RNF217: variants seen among roughly 807,000 people sequenced by gnomAD.
RNF217 encodes the protein E3 ubiquitin-protein ligase RNF217.
Under a neutral mutation model 57.8 loss-of-function variants are expected in RNF217, and 31 were observed. The observed-to-expected ratio is 0.54, with a 90% CI of 0.40 to 0.72. RNF217 has a LOEUF of 0.72. RNF217 is among the 30% of genes least tolerant of loss of function. The pLI, the probability that RNF217 is intolerant of heterozygous loss-of-function variation, is 0.00. For missense variants in RNF217, 696 were observed against 708.3 expected (o/e 0.98, Z 0.20); for synonymous variants, 313 against 294.0 (o/e 1.06, Z -0.66).
chr6:124,967,295 A>G (rs768579715), intron 1 of RNF217, among the ~76,000 whole-genome samples: 2 of 152,198 alleles, frequency 1.3e-5, no homozygotes, highest in Non-Finnish European at 2.9e-5. Flanking sequence ...GGCCTTTACC[A>G]CATTTTCCTA....
rs374401996 is a variant in RNF217, at chr6:124,963,191, T to C, written c.647T>C (p.Leu216Pro). 303 of 1,535,692 alleles carry C rather than the reference T, an allele frequency of 2.0e-4. 4 individuals carry two copies. In the South Asian group the frequency reaches 3.4e-3, roughly 17 times the overall value. Reference sequence around the variant, plus strand: ...CGACTGTCCCTCCCAACGGATTCCCTCTCCCCCGACGGCGGCAGCATCGAG... The same window carrying C: ...CGACTGTCCCTCCCAACGGATTCCCCCTCCCCCGACGGCGGCAGCATCGAG... ...SPRLSLPTDS[L>P]SPDGGSIELE... Residue 216 changes from leucine to proline, a missense_variant, in exon 1 of 6, where the codon CTC (leucine) becomes CCC (proline). Leu to Pro is a moderately conservative substitution (Grantham distance 98). Around this residue, in one of 2 missense-constraint regions of RNF217, gnomAD observed 465 missense variants for 386.8 expected, o/e 1.20. Transcript: ENST00000521654.
chr6:125,087,196 A>G lies in RNF217; in HGVS notation c.*4259A>G, dbSNP rs1377831696. On this transcript the variant is annotated 3_prime_UTR_variant, in exon 6 of 6. Transcript: ENST00000521654. The stretch of plus-strand genomic sequence containing the variant: ...CTTGTTAAATGAAATTGTTTTTAAC[A>G]TTACACTTTTATACTGGCTGTTACA... The G allele has an allele frequency of 1.3e-5, 2 of 152,192 alleles. No homozygotes were observed. Among genetic ancestry groups the G allele is most frequent in the East Asian group, 3.8e-4 (2 of 5,196 alleles). 9.4% of individuals were successfully genotyped at this position (152,192 alleles called of 1,614,324 possible).
intron 1 of RNF217, among the ~76,000 whole-genome samples, chr6:124,999,763 C>T (rs1784900196): frequency 6.6e-6 from 1 of 151,958 alleles, no homozygotes; most frequent in Non-Finnish European, 1.5e-5. Context: ...ATCATGGACC[C>T]CTGGTGTTGA....
intron 1 of RNF217, among the ~76,000 whole-genome samples, chr6:124,974,358 T>C (rs1414023392): frequency 2.0e-5 from 3 of 152,252 alleles, no homozygotes; most frequent in Non-Finnish European, 4.4e-5. Flanking sequence ...TTCCAATTCA[T>C]ATCATTCTAT....
chr6:125,046,454 T>C lies in RNF217; in HGVS notation c.1116+1010T>C, dbSNP rs149543950. 289 of 386,828 alleles carry C rather than the reference T, an allele frequency of 7.5e-4. 2 individuals carry two copies. The highest frequency in any genetic ancestry group is 6.1e-3 in the Admixed American group (199 of 32,762). 24.0% of individuals were successfully genotyped at this position (386,828 alleles called of 1,614,324 possible). Reference sequence around the variant, plus strand: ...TATTAGAATCACCCGAGAACTTCCATGACACACCAGTGCCCCAGGCCCACC... The same window carrying C: ...TATTAGAATCACCCGAGAACTTCCACGACACACCAGTGCCCCAGGCCCACC... On this transcript the variant is annotated intron_variant, in intron 2 of 5. Transcript: ENST00000521654.
Position 125,019,836 on chromosome 6 carries a change from G to GA in RNF217, c.883-25375_883-25374insA, listed in dbSNP as rs527872642. ...CTTGATGTCCCCTTTTTTGCAGTGG[G>GA]GGGGGAGTGAAAAAATCCTTTATTA... On this transcript the variant is annotated intron_variant, in intron 1 of 5. Transcript: ENST00000521654. 7.0e-3 allele frequency among the ~76,000 whole-genome samples: 1,051 copies of GA among 150,734 alleles called. 30 individuals carry two copies. Among genetic ancestry groups the GA allele is most frequent in the African/African-American group, 0.024 (1,004 of 41,244 alleles).
intron 5 of RNF217, chr6:125,082,626 T>C: frequency 6.4e-7 from 1 of 1,574,422 alleles, no homozygotes; most frequent in South Asian, 1.2e-5. Flanking sequence ...AACCAAAGTT[T>C]TGATATTTGG....
intron 3 of RNF217, among the ~76,000 whole-genome samples, chr6:125,065,092 G>A (rs911752194): frequency 1.3e-4 from 20 of 151,622 alleles, no homozygotes; most frequent in Non-Finnish European, 2.9e-4. Flanking sequence ...TGGCTAACAC[G>A]GTGAAACTCC....
chr6:125,026,048 G>A (rs527520813), intron 1 of RNF217, among the ~76,000 whole-genome samples: 1 of 152,264 alleles, frequency 6.6e-6, no homozygotes, highest in African/African-American at 2.4e-5. Flanking sequence ...ATATGATCGT[G>A]GAGACCATCT....
At chr6:125,022,883 C>T (rs1045270315) in intron 1 of RNF217, among the ~76,000 whole-genome samples, 1 of 151,968 alleles carries the variant, frequency 6.6e-6, no homozygotes, top group African/African-American at 2.4e-5. Context: ...CTAGAGATCA[C>T]TATTTAGAAA....
intron 3 of RNF217, among the ~76,000 whole-genome samples, chr6:125,071,861 TC>T (rs1226505412): frequency 9.9e-5 from 15 of 152,186 alleles, no homozygotes. Context: ...ATCTAGTCTT[TC>T]TCCATCTTTT....
chr6:125,034,156 T>A (rs1683645445), intron 1 of RNF217, among the ~76,000 whole-genome samples: 2 of 152,200 alleles, frequency 1.3e-5, no homozygotes, highest in African/African-American at 4.8e-5. Flanking sequence ...GCCTATTCAT[T>A]CTGATGGTAG....
At chr6:124,985,668 A>G (rs17052573) in intron 1 of RNF217, among the ~76,000 whole-genome samples, 43,767 of 152,104 alleles carry the variant, frequency 0.29, 7,663 homozygotes, top group South Asian at 0.47. Context: ...TTAAGGACAC[A>G]TAAAGCCACA....
chr6:124,980,865 A>C (rs1019636999), intron 1 of RNF217, among the ~76,000 whole-genome samples: 5 of 152,136 alleles, frequency 3.3e-5, no homozygotes, highest in African/African-American at 9.7e-5. Context: ...TTTCAGTGGG[A>C]GGTAGTAAAA....
Position 125,041,521 on chromosome 6 carries a change from C to G in RNF217, c.883-3690C>G, listed in dbSNP as rs150996125. ...CCAACTTCATCTCATACTGTTCTCT[C>G]CCTCCTTTAGTATATATTTTTGTCA... is the stretch of plus-strand genomic sequence containing the variant. On this transcript the variant is annotated intron_variant, in intron 1 of 5. Coordinates refer to ENST00000521654, the MANE Select transcript of RNF217 (RefSeq NM_001286398.3). 5.3e-4 allele frequency among the ~76,000 whole-genome samples: 81 copies of G among 152,176 alleles called. No homozygotes were observed. In the East Asian group the frequency reaches 0.014, roughly 26 times the overall value.
intron 1 of RNF217, among the ~76,000 whole-genome samples, chr6:125,001,308 CCAG>C (rs1383442419): frequency 8.6e-5 from 13 of 151,852 alleles, no homozygotes; most frequent in African/African-American, 3.1e-4. Flanking sequence ...TCTCCCTTGC[CCAG>C]CCCCCATTCT....
At chr6:125,064,298 T>C (rs191807416) in intron 3 of RNF217, among the ~76,000 whole-genome samples, 19 of 152,286 alleles carry the variant, frequency 1.2e-4, no homozygotes, top group African/African-American at 7.2e-5. Flanking sequence ...GGGGTTATCA[T>C]TGGCACTGTT....
chr6:125,061,722 T>C (rs1787740145), intron 3 of RNF217, among the ~76,000 whole-genome samples: 2 of 152,040 alleles, frequency 1.3e-5, no homozygotes, highest in African/African-American at 4.8e-5. Context: ...TGTGGTCAAA[T>C]ACACAAGCAC....
rs538333803 is a variant in RNF217, at chr6:125,004,085, C to G, written c.882+40659C>G. On this transcript the variant is annotated intron_variant, in intron 1 of 5. Coordinates refer to ENST00000521654, the MANE Select transcript of RNF217 (RefSeq NM_001286398.3). ...TACAGTTTTTTTCTTTAAAATTCATCCATCAAATAAGGTTGCCTTTCTTAG... is the reference window on the plus strand; with the variant it reads ...TACAGTTTTTTTCTTTAAAATTCATGCATCAAATAAGGTTGCCTTTCTTAG... 9.2e-5 allele frequency among the ~76,000 whole-genome samples: 14 copies of G among 152,044 alleles called. No homozygotes were observed. In the East Asian group the frequency reaches 2.7e-3, roughly 29 times the overall value.
Sources: allele counts gnomAD v4.1 joint callset (sites outside exome capture counted in the v4.1 genomes callset), GRCh38; gene constraint gnomAD v4.1.1; regional missense constraint gnomAD v4.1.1; transcripts MANE v1.5; gene names NCBI Gene and HGNC (gene_info 2026-07-23, HGNC 2026-07-21).